Variants in GFRA2 observed in about 807,000 individuals in gnomAD.
GFRA2 encodes GDNF family receptor alpha 2.
Under a neutral mutation model 48.3 loss-of-function variants are expected in GFRA2, and 17 were observed. That is an observed-to-expected ratio of 0.35 (90% confidence interval 0.24 to 0.53). The LOEUF is 0.53. Among genes scored for constraint, GFRA2 ranks in the 20% least tolerant of loss-of-function variants. GFRA2 has a pLI of 0.93. For missense variants in GFRA2, 660 were observed against 637.3 expected (o/e 1.04, Z -0.38); for synonymous variants, 305 against 257.2 (o/e 1.19, Z -1.78).
chr8:21,782,666 C>A lies in GFRA2; in HGVS notation c.274G>T (p.Asp92Tyr). 6.3e-7 allele frequency: 1 copy of A among 1,586,882 alleles called. No homozygotes were observed. The highest frequency in any genetic ancestry group is 1.8e-5 in the Admixed American group (1 of 56,170). Residue 92 changes from aspartate (D) to tyrosine (Y), a missense_variant, in exon 2 of 9, where the codon GAC (aspartate) becomes TAC (tyrosine). Asp to Tyr is a radical substitution (Grantham distance 160). Transcript: ENST00000524240. The part of the protein sequence containing the change: ...LEVLQESPLY[D>Y]CRCKRGMKKE... ...TTCATGCCCCGCTTGCAGCGGCAGT[C>A]GTACAGCGGGCTCTCCTGCAAGACC... is the stretch of plus-strand genomic sequence containing the variant.
chr8:21,783,831 C>A (rs1807134462), intron 1 of GFRA2, among the ~76,000 whole-genome samples: 3 of 152,044 alleles, frequency 2.0e-5, no homozygotes, highest in Admixed American at 2.0e-4. Flanking sequence ...TCTTACGCTT[C>A]TCTTGCTGAT....
intron 8 of GFRA2, among the ~76,000 whole-genome samples, chr8:21,694,143 C>T (rs1802039756): frequency 1.4e-5 from 2 of 145,904 alleles, no homozygotes; most frequent in Non-Finnish European, 3.0e-5. Flanking sequence ...GTTTCCACTT[C>T]TGTGCCTCCT....
At chr8:21,721,239 C>A (rs578237107) in intron 4 of GFRA2, among the ~76,000 whole-genome samples, 1 of 152,320 alleles carries the variant, frequency 6.6e-6, no homozygotes, top group South Asian at 2.1e-4. Flanking sequence ...CCCAGAAATG[C>A]CCTCCAGTGT....
intron 3 of GFRA2, among the ~76,000 whole-genome samples, chr8:21,771,610 A>G (rs982548549): frequency 6.6e-6 from 1 of 152,288 alleles, no homozygotes; most frequent in South Asian, 2.1e-4. Context: ...GAATCCCAGT[A>G]CGACTTTCCG....
chr8:21,737,032 A>C (rs957395075), intron 4 of GFRA2, among the ~76,000 whole-genome samples: 3 of 152,002 alleles, frequency 2.0e-5, no homozygotes, highest in African/African-American at 7.3e-5. Flanking sequence ...GAAGGGACCT[A>C]AAAGAGCCCC....
At chr8:21,772,682 C>T (rs375930284) in intron 3 of GFRA2, among the ~76,000 whole-genome samples, 8 of 152,264 alleles carry the variant, frequency 5.3e-5, no homozygotes, top group South Asian at 2.1e-4. Context: ...CCAGAGTTTG[C>T]GTGGGGCCCA....
intron 2 of GFRA2, among the ~76,000 whole-genome samples, chr8:21,799,612 T>C (rs1807737456): frequency 6.6e-6 from 1 of 152,232 alleles, no homozygotes; most frequent in African/African-American, 2.4e-5. Context: ...GGAGCCAGAC[T>C]CATTAGAATT....
At chr8:21,710,061 G>A (rs1563220251) in intron 4 of GFRA2, among the ~76,000 whole-genome samples, 1 of 152,222 alleles carries the variant, frequency 6.6e-6, no homozygotes, top group East Asian at 1.9e-4. Context: ...GACTCCTCAG[G>A]GAAGAGGGGA....
chr8:21,755,705 A>G (rs574873438), intron 3 of GFRA2, among the ~76,000 whole-genome samples: 1 of 152,330 alleles, frequency 6.6e-6, no homozygotes, highest in African/African-American at 2.4e-5. Flanking sequence ...ACTCAGAGGA[A>G]GTAAAGACAG....
chr8:21,708,130 CT>C (rs761122560), intron 4 of GFRA2, among the ~76,000 whole-genome samples: 81 of 152,228 alleles, frequency 5.3e-4, no homozygotes, highest in Non-Finnish European at 9.8e-4. Flanking sequence ...GCCTGGAGCC[CT>C]TGAAGGCCCT....
chr8:21,760,252 T>A (rs1258735159), intron 3 of GFRA2, among the ~76,000 whole-genome samples: 1 of 152,178 alleles, frequency 6.6e-6, no homozygotes, highest in Admixed American at 6.5e-5. Flanking sequence ...GGAAGGCACA[T>A]GACCTCATTC....
chr8:21,795,299 G>C (rs1316660029), intron 2 of GFRA2, among the ~76,000 whole-genome samples: 1 of 152,134 alleles, frequency 6.6e-6, no homozygotes, highest in Non-Finnish European at 1.5e-5. Context: ...TCCCTGGGAG[G>C]GGGGCGTGAG....
At chr8:21,712,595 C>T (rs1803108231) in intron 4 of GFRA2, among the ~76,000 whole-genome samples, 1 of 149,556 alleles carries the variant, frequency 6.7e-6, no homozygotes, top group Admixed American at 6.6e-5. Flanking sequence ...CCTCACTTCC[C>T]AGACGGGGTG....
At chr8:21,693,519 CCT>C (rs562603789) in intron 8 of GFRA2, 119 bp from the exon 9 acceptor site, 700 of 902,268 alleles carry the variant, frequency 7.8e-4, no homozygotes, top group Non-Finnish European at 1.1e-3. Flanking sequence ...AAGCCCCTGT[CCT>C]CTCTTCCACC....
chr8:21,739,435 G>T (rs1804643547), intron 4 of GFRA2, among the ~76,000 whole-genome samples: 1 of 152,196 alleles, frequency 6.6e-6, no homozygotes, highest in African/African-American at 2.4e-5. Context: ...CAGGGATAGT[G>T]TGAGGATTTA....
At position 21,693,090 on chromosome 8, in the gene GFRA2, G is replaced by T. The variant is rs780742170; in HGVS notation, c.*188C>A. The T allele has an allele frequency of 2.8e-5, 13 of 466,000 alleles. No homozygotes were observed. The highest frequency in any genetic ancestry group is 4.7e-5 in the Non-Finnish European group (13 of 275,438). 28.9% of individuals were successfully genotyped at this position (466,000 alleles called of 1,614,324 possible). The stretch of plus-strand genomic sequence containing the variant: ...GGGCCAGCTCTCAGGCTGCCTGCCT[G>T]CTTGTCTGTTTGGTTTACAAAAACT... On this transcript the variant is annotated 3_prime_UTR_variant, in exon 9 of 9. Coordinates refer to ENST00000524240, the MANE Select transcript of GFRA2 (RefSeq NM_001495.5).
chr8:21,702,631 A>T (rs1459487957), intron 7 of GFRA2, among the ~76,000 whole-genome samples, 174 bp downstream of exon 7: 1 of 152,226 alleles, frequency 6.6e-6, no homozygotes, highest in Non-Finnish European at 1.5e-5. Flanking sequence ...AACACTTGCA[A>T]GATGAATGCC....
At chr8:21,749,719 G>A (rs66886237) in intron 4 of GFRA2, among the ~76,000 whole-genome samples, 30,212 of 151,382 alleles carry the variant, frequency 0.2, 3,836 homozygotes, top group African/African-American at 0.36. Context: ...ATTCAGGTCT[G>A]ATCCAGTCTA....
chr8:21,759,237 TG>T (rs1805749754), intron 3 of GFRA2, among the ~76,000 whole-genome samples: 1 of 151,550 alleles, frequency 6.6e-6, no homozygotes, highest in Non-Finnish European at 1.5e-5. Flanking sequence ...AACACAAAAA[TG>T]AGTTGGGAGT....
Sources: gnomAD v4.1 joint callset for allele counts (sites outside exome capture counted in the v4.1 genomes callset) on GRCh38, gnomAD v4.1.1 for gene constraint, MANE v1.5 for transcripts, NCBI Gene and HGNC (gene_info 2026-07-23, HGNC 2026-07-21) for gene names.